PSMD14: variants seen among roughly 807,000 people sequenced by gnomAD.
The protein encoded by PSMD14 is ubiquitin C-terminal hydrolase PSMD14.
A neutral mutation model predicts 41.2 loss-of-function variants in PSMD14; 7 were observed. The observed-to-expected ratio is 0.17, with a 90% confidence interval of 0.10 to 0.32. The LOEUF is 0.32. Among genes scored for constraint, PSMD14 ranks in the 10% least tolerant of loss-of-function variants. The probability of loss-of-function intolerance (pLI) is 1.00; values close to 1 mark genes in which losing one functional copy is unlikely to be tolerated. For missense variants in PSMD14, 139 were observed against 375.6 expected (o/e 0.37, Z 5.21); for synonymous variants, 114 against 122.3 (o/e 0.93, Z 0.45).
At position 161,374,219 on chromosome 2, in the gene PSMD14, G is replaced by T. The variant is rs990312434; in HGVS notation, c.462+2897G>T. ...CCATTCCTTAAGTTACTGTGGATAG[G>T]TGTCACTCTCTTCAGCATAAGTCAG... On this transcript the variant is annotated intron_variant, in intron 7 of 11. Coordinates refer to ENST00000409682, the MANE Select transcript of PSMD14 (RefSeq NM_005805.6). Among the ~76,000 whole-genome samples the T allele has an allele frequency of 2.0e-5, 3 of 151,932 alleles. No individual in the cohort carries two copies. In the East Asian group the frequency reaches 5.8e-4, roughly 29 times the overall value.
intron 3 of PSMD14, among the ~76,000 whole-genome samples, chr2:161,361,048 A>C (rs965183224): frequency 5.3e-5 from 8 of 152,146 alleles, no homozygotes; most frequent in Admixed American, 4.6e-4. Context: ...TTATTTGTTC[A>C]GTTGAGTTTC....
chr2:161,312,903 G>T (rs948340094), intron 1 of PSMD14, among the ~76,000 whole-genome samples: 1 of 152,224 alleles, frequency 6.6e-6, no homozygotes, highest in Admixed American at 6.5e-5. Flanking sequence ...TTGAAACCCA[G>T]TAAGTGGCAA....
intron 8 of PSMD14, among the ~76,000 whole-genome samples, chr2:161,387,009 T>C (rs1683644194): frequency 6.6e-6 from 1 of 152,014 alleles, no homozygotes; most frequent in African/African-American, 2.4e-5. Flanking sequence ...TAAAGCAGGT[T>C]CCAAACCTGT....
Position 161,393,398 on chromosome 2 carries a change from C to T in PSMD14, c.646-1680C>T, listed in dbSNP as rs111665577. Among the ~76,000 whole-genome samples, 398 of 152,234 alleles carry T rather than the reference C, an allele frequency of 2.6e-3. 5 individuals carry two copies. The highest frequency in any genetic ancestry group is 9.0e-3 in the African/African-American group (373 of 41,560). The stretch of plus-strand genomic sequence containing the variant: ...GGTTTTCCTAATTTTTTTTGGCATA[C>T]TGTCCTTACCCCTGGAGCCATGGGA... On this transcript the variant is annotated intron_variant, in intron 9 of 11. Coordinates refer to ENST00000409682, the MANE Select transcript of PSMD14 (RefSeq NM_005805.6).
At chr2:161,342,038 G>A (rs1682971481) in intron 3 of PSMD14, among the ~76,000 whole-genome samples, 1 of 151,794 alleles carries the variant, frequency 6.6e-6, no homozygotes. Context: ...TTTTATATGT[G>A]GTGCAATATA....
At chr2:161,380,184 G>C (rs954891902) in intron 7 of PSMD14, among the ~76,000 whole-genome samples, 1 of 151,986 alleles carries the variant, frequency 6.6e-6, no homozygotes, top group Non-Finnish European at 1.5e-5. Context: ...TAACTTGTTA[G>C]AGGTCCCTTA....
At chr2:161,357,319 C>T (rs918587327) in intron 3 of PSMD14, among the ~76,000 whole-genome samples, 7 of 152,034 alleles carry the variant, frequency 4.6e-5, no homozygotes, top group African/African-American at 1.7e-4. Flanking sequence ...GGTTTTATAT[C>T]ATTGGTTGCT....
At chr2:161,401,367 C>CAT (rs1683875731) in intron 10 of PSMD14, among the ~76,000 whole-genome samples, 1 of 152,192 alleles carries the variant, frequency 6.6e-6, no homozygotes, top group African/African-American at 2.4e-5. Flanking sequence ...GGTTAGCACC[C>CAT]ATAACCCTCA....
intron 3 of PSMD14, chr2:161,341,064 C>A (rs1682949736): frequency 6.4e-7 from 1 of 1,560,986 alleles, no homozygotes; most frequent in Non-Finnish European, 8.7e-7. Context: ...CTCCCCCGGT[C>A]CCGCAGGCTC....
chr2:161,341,127 G>A, intron 3 of PSMD14: 11 of 1,280,432 alleles, frequency 8.6e-6, no homozygotes, highest in Non-Finnish European at 1.1e-5. Flanking sequence ...CCCCGCGGGC[G>A]AGGCCGCCGG....
At chr2:161,333,868 T>G (rs1442460349) in intron 3 of PSMD14, among the ~76,000 whole-genome samples, 1 of 151,700 alleles carries the variant, frequency 6.6e-6, no homozygotes, top group Non-Finnish European at 1.5e-5. Flanking sequence ...CCATCTCTAC[T>G]AAAAATACAA....
intron 3 of PSMD14, among the ~76,000 whole-genome samples, chr2:161,352,898 C>G (rs1256422068): frequency 6.6e-6 from 1 of 152,186 alleles, no homozygotes; most frequent in Non-Finnish European, 1.5e-5. Context: ...CTTAGTGGCT[C>G]TAACAGCTGA....
chr2:161,396,424 A>G (rs990421197), intron 10 of PSMD14, among the ~76,000 whole-genome samples: 2 of 152,190 alleles, frequency 1.3e-5, no homozygotes, highest in African/African-American at 2.4e-5. Flanking sequence ...GTATAGATAT[A>G]CATACAATGG....
At chr2:161,356,198 C>A (rs926279849) in intron 3 of PSMD14, among the ~76,000 whole-genome samples, 1 of 152,058 alleles carries the variant, frequency 6.6e-6, no homozygotes, top group Non-Finnish European at 1.5e-5. Context: ...TGGGTTAGGA[C>A]GATGGGGAAC....
At chr2:161,368,766 C>T (rs576601925) in intron 5 of PSMD14, among the ~76,000 whole-genome samples, 5 of 151,914 alleles carry the variant, frequency 3.3e-5, no homozygotes, top group East Asian at 1.9e-4. Context: ...TAGTTCTATT[C>T]GAAGTTCTGT....
intron 6 of PSMD14, among the ~76,000 whole-genome samples, chr2:161,370,815 T>C (rs960892313): frequency 1.3e-5 from 2 of 152,152 alleles, no homozygotes; most frequent in Non-Finnish European, 2.9e-5. Flanking sequence ...AAATGTACTC[T>C]GTGCCTGGAA....
chr2:161,335,667 C>T (rs1682857968), intron 3 of PSMD14, among the ~76,000 whole-genome samples: 1 of 152,168 alleles, frequency 6.6e-6, no homozygotes, highest in South Asian at 2.1e-4. Flanking sequence ...GATTTACAAA[C>T]CGTGTTGTAG....
chr2:161,320,293 C>T (rs1164733159), intron 3 of PSMD14, among the ~76,000 whole-genome samples: 2 of 152,132 alleles, frequency 1.3e-5, no homozygotes, highest in African/African-American at 4.8e-5. Context: ...CAATAAATTA[C>T]CCATCTTGGA....
intron 3 of PSMD14, among the ~76,000 whole-genome samples, chr2:161,319,551 AT>A (rs778273487): frequency 2.6e-5 from 4 of 152,186 alleles, no homozygotes; most frequent in Non-Finnish European, 4.4e-5. Context: ...GCAGTCATAC[AT>A]TGAGTTAATA....
Sources: allele counts gnomAD v4.1 joint callset (sites outside exome capture counted in the v4.1 genomes callset), GRCh38; gene constraint gnomAD v4.1.1; transcripts MANE v1.5; gene names NCBI Gene and HGNC (gene_info 2026-07-23, HGNC 2026-07-21).